NYAP2: variants seen among roughly 807,000 people sequenced by gnomAD.
NYAP2 encodes neuronal tyrosine-phosphorylated phosphoinositide-3-kinase adaptor 2, also known as neuronal tyrosine-phosphorylated phosphoinositide-3-kinase adapter 2.
Under a neutral mutation model 50.4 loss-of-function variants are expected in NYAP2, and 23 were observed. The observed-to-expected ratio is 0.46, with a 90% confidence interval of 0.33 to 0.65. The LOEUF (loss-of-function observed/expected upper bound fraction) is 0.65, where lower values mean the gene tolerates loss of function less well. Ranked by LOEUF, NYAP2 falls within the 30% of genes least tolerant of loss-of-function variation. NYAP2 has a pLI of 0.02. For synonymous variants in NYAP2, 394 were observed against 365.2 expected, an observed-to-expected ratio of 1.08 and a Z score of -0.90; for missense variants, 885 against 861.0, an observed-to-expected ratio of 1.03 and a Z score of -0.35.
chr2:225,410,241 A>G (rs1056314342), intron 3 of NYAP2, among the ~76,000 whole-genome samples: 1 of 152,062 alleles, frequency 6.6e-6, no homozygotes, highest in African/African-American at 2.4e-5. Context: ...TTTTCTCTGG[A>G]CGATTAAAAT....
At chr2:225,456,640 A>G (rs1024340739) in intron 3 of NYAP2, among the ~76,000 whole-genome samples, 2 of 152,106 alleles carry the variant, frequency 1.3e-5, no homozygotes, top group African/African-American at 4.8e-5. Context: ...AGTTACAACC[A>G]CGTGTGCTGT....
intron 6 of NYAP2, among the ~76,000 whole-genome samples, chr2:225,643,593 C>A (rs12994962): frequency 6.4e-5 from 9 of 140,458 alleles, no homozygotes; most frequent in East Asian, 4.5e-4. Context: ...ATCCCTCCCC[C>A]CTCCCCCACC....
intron 2 of NYAP2, among the ~76,000 whole-genome samples, chr2:225,402,976 A>G (rs1030450411): frequency 3.9e-5 from 6 of 152,174 alleles, no homozygotes; most frequent in African/African-American, 1.4e-4. Context: ...ATTAATTTGC[A>G]TATGTATTTT....
intron 4 of NYAP2, among the ~76,000 whole-genome samples, chr2:225,538,794 C>CTTTTCTTTTCT (rs1248010073): frequency 2.8e-5 from 2 of 71,922 alleles, no homozygotes; most frequent in African/African-American, 1.6e-4. Flanking sequence ...TTCTTTCTTT[C>CTTTTCTTTTCT]TTTCTTTCTT....
At chr2:225,439,627 C>G (rs969722895) in intron 3 of NYAP2, among the ~76,000 whole-genome samples, 2 of 152,048 alleles carry the variant, frequency 1.3e-5, no homozygotes, top group African/African-American at 4.8e-5. Context: ...AGAATGATGG[C>G]AAGACATGGA....
chr2:225,654,483 G>A (rs1218146086), downstream of NYAP2, among the ~76,000 whole-genome samples: 1 of 152,114 alleles, frequency 6.6e-6, no homozygotes, highest in African/African-American at 2.4e-5. Flanking sequence ...AGGAGTTTGA[G>A]ACCAGCCTGG....
At chr2:225,419,843 CA>C (rs1234028006) in intron 3 of NYAP2, among the ~76,000 whole-genome samples, 2 of 152,082 alleles carry the variant, frequency 1.3e-5, no homozygotes, top group African/African-American at 4.8e-5. Flanking sequence ...GAAAGCAATA[CA>C]GGGGAAGATT....
chr2:225,561,295 G>A (rs953041420), intron 4 of NYAP2, among the ~76,000 whole-genome samples: 11 of 152,078 alleles, frequency 7.2e-5, no homozygotes, highest in Admixed American at 3.9e-4. Flanking sequence ...GCTGGGGGAA[G>A]CACATTCCAG....
chr2:225,498,160 C>T (rs1386111317), intron 3 of NYAP2, among the ~76,000 whole-genome samples: 1 of 151,504 alleles, frequency 6.6e-6, no homozygotes, highest in Non-Finnish European at 1.5e-5. Context: ...TACTAGATGC[C>T]ATGGGAGATA....
chr2:225,559,058 C>CT (rs1186773489), intron 4 of NYAP2, among the ~76,000 whole-genome samples: 1 of 152,056 alleles, frequency 6.6e-6, no homozygotes, highest in Non-Finnish European at 1.5e-5. Flanking sequence ...TGGAGGCTGT[C>CT]TTTTTTCTCT....
intron 5 of NYAP2, among the ~76,000 whole-genome samples, chr2:225,623,545 A>C (rs1175624601): frequency 6.6e-6 from 1 of 152,186 alleles, no homozygotes; most frequent in Non-Finnish European, 1.5e-5. Flanking sequence ...AAAGCAATAG[A>C]ATTGTGCTTC....
intron 6 of NYAP2, among the ~76,000 whole-genome samples, chr2:225,649,022 A>G (rs1693685533): frequency 6.6e-6 from 1 of 152,078 alleles, no homozygotes; most frequent in African/African-American, 2.4e-5. Context: ...CCAGAAAGAG[A>G]ATGTAGTTGG....
Position 225,513,668 on chromosome 2 carries a change from T to C in NYAP2, c.519T>C (p.Thr173=), listed in dbSNP as rs141624883. 9.5e-5 allele frequency: 143 copies of C among 1,504,788 alleles called. No homozygotes were observed. In the African/African-American group the frequency reaches 1.8e-3, roughly 19 times the overall value. The allele number at this position is 1,504,788 out of a possible 1,614,324, so 93.2% of individuals were successfully genotyped here. A position where few individuals can be genotyped will look rare whatever the true frequency, so the allele number is the denominator to read the frequency against. Residue 173 remains threonine (T), a synonymous_variant, in exon 4 of 7, where the codon ACT becomes ACC. Coordinates refer to ENST00000636099, the Ensembl canonical transcript of NYAP2. Reference sequence around the variant, plus strand: ...AGAGCGGGAAAACCCCTGAGAGGACTGAAGGTAAAACACGCCATGTCCATG... The same window carrying C: ...AGAGCGGGAAAACCCCTGAGAGGACCGAAGGTAAAACACGCCATGTCCATG...
At chr2:225,445,861 T>C (rs1689544877) in intron 3 of NYAP2, among the ~76,000 whole-genome samples, 1 of 152,132 alleles carries the variant, frequency 6.6e-6, no homozygotes, top group Non-Finnish European at 1.5e-5. Context: ...TCATTTTCCC[T>C]TGCAGCTTTT....
intron 3 of NYAP2, among the ~76,000 whole-genome samples, chr2:225,473,758 T>C (rs1050859491): frequency 6.6e-6 from 1 of 152,204 alleles, no homozygotes; most frequent in African/African-American, 2.4e-5. Context: ...ATTCTGTAGG[T>C]TGCTTGTTCA....
At position 225,582,335 on chromosome 2, in the gene NYAP2, C is replaced by T. The variant is rs533815234; in HGVS notation, c.918C>T (p.Phe306=). 1.9e-6 allele frequency: 3 copies of T among 1,613,978 alleles called. No homozygotes were observed. Among genetic ancestry groups the T allele is most frequent in the African/African-American group, 1.3e-5 (1 of 75,062 alleles). ...CTCCCACGGTGCCTGACTTGGACTTCGCCAAGGCCTCAGTGCCATGCCCCC... is the reference window on the plus strand; with the variant it reads ...CTCCCACGGTGCCTGACTTGGACTTTGCCAAGGCCTCAGTGCCATGCCCCC... Residue 306 remains phenylalanine, a synonymous_variant, in exon 5 of 7, where the codon TTC becomes TTT. Transcript: ENST00000636099. This position sits in a 1 kb window ranked among gnomAD's most constrained non-coding sequence, Gnocchi z 7.0.
intron 4 of NYAP2, among the ~76,000 whole-genome samples, chr2:225,567,898 A>G (rs1001337312): frequency 6.6e-6 from 1 of 152,196 alleles, no homozygotes; most frequent in Non-Finnish European, 1.5e-5. Context: ...AGGAAGAAAA[A>G]TCATACTGGC....
intron 3 of NYAP2, among the ~76,000 whole-genome samples, chr2:225,442,572 T>G (rs1042008265): frequency 6.6e-6 from 1 of 152,094 alleles, no homozygotes; most frequent in Admixed American, 6.6e-5. Context: ...TTTATTTTAT[T>G]TTATTAATTA....
At chr2:225,683,679 A>G in the NYAP2 span, among the ~76,000 whole-genome samples, 66 of 152,228 alleles carry the variant, frequency 4.3e-4, no homozygotes, top group African/African-American at 1.6e-3. Flanking sequence ...AGGTGCTCCA[A>G]AGGGAAAGGT....
Sources: allele counts gnomAD v4.1 joint callset (sites outside exome capture counted in the v4.1 genomes callset), GRCh38; gene constraint gnomAD v4.1.1; non-coding constraint Gnocchi (gnomAD v3.1); transcripts MANE v1.5; gene names NCBI Gene and HGNC (gene_info 2026-07-23, HGNC 2026-07-21).